TMEM131: variants seen among roughly 807,000 people sequenced by gnomAD.
The protein encoded by TMEM131 is transmembrane protein 131.
TMEM131 carries 66 observed loss-of-function variants against 211.6 expected under a neutral mutation model. The ratio of observed to expected loss-of-function variants is 0.31; its 90% CI spans 0.26 to 0.38. The LOEUF is 0.38. TMEM131 is among the 10% of genes least tolerant of loss of function. The pLI, the probability that TMEM131 is intolerant of heterozygous loss-of-function variation, is 1.00. For missense variants in TMEM131, 2,036 were observed against 2,299.3 expected (o/e 0.89, Z 2.34); for synonymous variants, 844 against 841.3 (o/e 1.00, Z -0.06).
chr2:97,812,514 T>C lies in TMEM131; in HGVS notation c.1770A>G (p.Ser590=), dbSNP rs769985926. Residue 590 remains serine (S), a synonymous_variant, in exon 17 of 41, where the codon TCA becomes TCG. Coordinates refer to ENST00000186436, the MANE Select transcript of TMEM131 (RefSeq NM_015348.2). ...KSWHIIGDGL[S]IELVAVERGN... is the part of the protein sequence containing the mutation. ...CTCTTTCCACAGCTACAAGTTCTAT[T>C]GATAAACCGTCTCCTATGATATGCC... 2 of 1,612,356 alleles carry C rather than the reference T, an allele frequency of 1.2e-6. No homozygotes were observed. Among genetic ancestry groups the C allele is most frequent in the Non-Finnish European group, 1.7e-6 (2 of 1,179,416 alleles).
At chr2:97,847,285 C>T (rs1683496471) in intron 5 of TMEM131, among the ~76,000 whole-genome samples, 1 of 152,164 alleles carries the variant, frequency 6.6e-6, no homozygotes, top group African/African-American at 2.4e-5. Context: ...TGGCTTTCTA[C>T]ACAGAAAAAT....
intron 4 of TMEM131, among the ~76,000 whole-genome samples, chr2:97,874,111 A>G (rs1271698130): frequency 6.6e-6 from 1 of 152,244 alleles, no homozygotes; most frequent in Non-Finnish European, 1.5e-5. Context: ...GTCAAGTGGA[A>G]GAAAGGATAT....
intron 11 of TMEM131, 23 bp downstream of exon 11, chr2:97,833,342 G>A (rs750121205): frequency 9.4e-7 from 1 of 1,058,530 alleles, no homozygotes; most frequent in South Asian, 1.5e-5. Context: ...ATAAATTAGG[G>A]GAAAAAAGAA....
At chr2:97,832,228 T>C (rs1278702136) in intron 11 of TMEM131, among the ~76,000 whole-genome samples, 1 of 152,224 alleles carries the variant, frequency 6.6e-6, no homozygotes, top group African/African-American at 2.4e-5. Context: ...ATGTCATAAG[T>C]GACCTGAGTA....
chr2:97,829,658 TAA>T (rs1305546153), intron 11 of TMEM131, among the ~76,000 whole-genome samples: 5 of 152,178 alleles, frequency 3.3e-5, no homozygotes, highest in Non-Finnish European at 5.9e-5. Context: ...TCGCTCTTAA[TAA>T]ATCTTGCTGC....
chr2:97,834,512 T>G, intron 10 of TMEM131, 109 bp downstream of exon 10: 1 of 877,638 alleles, frequency 1.1e-6, no homozygotes, highest in Non-Finnish European at 1.7e-6. Flanking sequence ...TGCAACCAAC[T>G]GAGAAATAAT....
At chr2:97,794,017 A>C (rs1680638879) in intron 29 of TMEM131, among the ~76,000 whole-genome samples, 1 of 115,936 alleles carries the variant, frequency 8.6e-6, no homozygotes. Flanking sequence ...AAAAAAAAAC[A>C]AAAAACCCAC....
rs187308968 is a variant in TMEM131, at chr2:97,843,946, G to A, written c.600+199C>T. Among the ~76,000 whole-genome samples the A allele has an allele frequency of 4.6e-5, 7 of 151,562 alleles. No individual in the cohort carries two copies. In the East Asian group the frequency reaches 9.7e-4, roughly 21 times the overall value. The stretch of plus-strand genomic sequence containing the variant: ...ATCTTAAATTAACACTTTAGCTGTT[G>A]CTTTAAAATCACCTGTTCAGTCTGA... On this transcript the variant is annotated intron_variant, in intron 6 of 40. Coordinates refer to ENST00000186436, the MANE Select transcript of TMEM131 (RefSeq NM_015348.2).
chr2:97,799,592 T>C (rs1680926361), intron 25 of TMEM131, among the ~76,000 whole-genome samples: 1 of 152,220 alleles, frequency 6.6e-6, no homozygotes, highest in Non-Finnish European at 1.5e-5. Flanking sequence ...TTTGGATAAT[T>C]TGTATTCACC....
chr2:97,811,067 C>A, intron 18 of TMEM131, 61 bp downstream of exon 18: 1 of 1,179,938 alleles, frequency 8.5e-7, no homozygotes, highest in East Asian at 2.3e-5. Flanking sequence ...TTCATAAAGA[C>A]AAGAAAGGAC....
At chr2:97,791,705 T>A (rs1427173820) in intron 31 of TMEM131, among the ~76,000 whole-genome samples, 1 of 152,148 alleles carries the variant, frequency 6.6e-6, no homozygotes, top group Admixed American at 6.5e-5. Flanking sequence ...ACAGAAACTG[T>A]GAGATAAGAG....
chr2:97,972,670 G>A (rs1252928783), intron 1 of TMEM131, among the ~76,000 whole-genome samples: 1 of 152,198 alleles, frequency 6.6e-6, no homozygotes, highest in Admixed American at 6.5e-5. Context: ...TAAGCTCCCA[G>A]ATGCAATTAA....
chr2:97,825,535 C>G (rs1160019184), intron 11 of TMEM131, among the ~76,000 whole-genome samples: 1 of 152,198 alleles, frequency 6.6e-6, no homozygotes, highest in Non-Finnish European at 1.5e-5. Context: ...ATGCTCTAAT[C>G]AAGGAGACCC....
In TMEM131 at chr2:97,864,540, A is replaced by T. The variant is rs77909249; in HGVS notation, c.360-5113T>A. Among the ~76,000 whole-genome samples, 740 of 151,906 alleles carry T rather than the reference A, an allele frequency of 4.9e-3. 8 individuals carry two copies. Among genetic ancestry groups the T allele is most frequent in the East Asian group, 0.042 (220 of 5,180 alleles). On this transcript the variant is annotated intron_variant, in intron 4 of 40. Transcript: ENST00000186436. ...ACCCACAAAAATTTAAAATAATTTT[A>T]AAAAAAAGCAACAAATTAATCAGGG...
Position 97,805,122 on chromosome 2 carries a change from C to T in TMEM131, c.2368G>A (p.Gly790Arg), listed in dbSNP as rs2104937966. 6.2e-7 allele frequency: 1 copy of T among 1,613,628 alleles called. No individual in the cohort carries two copies. Among genetic ancestry groups the T allele is most frequent in the Middle Eastern group, 1.6e-4 (1 of 6,062 alleles). The change falls in exon 22 of 41, where the codon GGA (glycine) becomes AGA (arginine). Residue 790 changes from glycine to arginine, a missense_variant. This residue lies in a region of TMEM131 where 1,623 missense variants were observed against 1,805.9 expected (regional missense o/e 0.90). Coordinates refer to ENST00000186436, the MANE Select transcript of TMEM131 (RefSeq NM_015348.2). ...GAATTTTCCTTTATTCCTGTCCATC[C>T]CTTGAACAGGCTTTGATGCAAATCC... is the stretch of plus-strand genomic sequence containing the variant. ...DWDLHQSLFK[G>R]WTGIKENSGH...
chr2:97,993,263 A>G (rs1246158081), intron 1 of TMEM131, among the ~76,000 whole-genome samples: 1 of 152,236 alleles, frequency 6.6e-6, no homozygotes, highest in African/African-American at 2.4e-5. Context: ...AATAGACACA[A>G]AATTCCTCCG....
In TMEM131 at chr2:97,795,045, A is replaced by T. The variant is rs1300630545; in HGVS notation, c.3271T>A (p.Phe1091Ile). Residue 1091 changes from phenylalanine (F) to isoleucine (I), a missense_variant, in exon 29 of 41, where the codon TTT becomes ATT. By Grantham distance (21) the Phe-to-Ile change is conservative (BLOSUM62 0). Around this residue, in one of 3 missense-constraint regions of TMEM131, gnomAD observed 1,623 missense variants for 1,805.9 expected, o/e 0.90. Coordinates refer to ENST00000186436, the MANE Select transcript of TMEM131 (RefSeq NM_015348.2). ...AGGGATGCATTCAATATAAATACAA[A>T]CTCAGAGCCACTGGTTGTTATAAAC... ...LKFITTSGSE[F>I]VFILNASLPY... 3 of 1,613,894 alleles carry T rather than the reference A, an allele frequency of 1.9e-6. No homozygotes were observed. Among genetic ancestry groups the T allele is most frequent in the South Asian group, 1.1e-5 (1 of 91,066 alleles).
At chr2:97,938,698 T>A (rs1319482619) in intron 1 of TMEM131, among the ~76,000 whole-genome samples, 1 of 152,090 alleles carries the variant, frequency 6.6e-6, no homozygotes, top group Non-Finnish European at 1.5e-5. Flanking sequence ...TCTACAGAAC[T>A]CTCCACCCCA....
intron 32 of TMEM131, among the ~76,000 whole-genome samples, chr2:97,775,591 T>G (rs975154216): frequency 3.3e-5 from 5 of 152,214 alleles, no homozygotes; most frequent in African/African-American, 1.2e-4. Context: ...ACCATCTTAC[T>G]TTAGTAACAT....
Sources: allele counts gnomAD v4.1 joint callset (sites outside exome capture counted in the v4.1 genomes callset), GRCh38; gene constraint gnomAD v4.1.1; regional missense constraint gnomAD v4.1.1; transcripts MANE v1.5; gene names NCBI Gene and HGNC (gene_info 2026-07-23, HGNC 2026-07-21).